Variants in MTHFD1L observed in about 807,000 individuals in gnomAD.
The protein encoded by MTHFD1L is methylenetetrahydrofolate dehydrogenase (NADP+ dependent) 1 like, also known as monofunctional C1-tetrahydrofolate synthase, mitochondrial.
MTHFD1L carries 81 observed loss-of-function variants against 119.5 expected under a neutral mutation model. The ratio of observed to expected loss-of-function variants is 0.68; its 90% CI spans 0.57 to 0.82. The LOEUF (loss-of-function observed/expected upper bound fraction) is 0.82. Among genes scored for constraint, MTHFD1L ranks in the 40% least tolerant of loss-of-function variants. The pLI is 0.00. For missense variants in MTHFD1L, 1,125 were observed against 1,253.4 expected (o/e 0.90, Z 1.55); for synonymous variants, 430 against 475.2 (o/e 0.90, Z 1.24).
At chr6:151,056,672 G>T (rs1789985872) in intron 26 of MTHFD1L, among the ~76,000 whole-genome samples, 1 of 152,164 alleles carries the variant, frequency 6.6e-6, no homozygotes, top group Admixed American at 6.5e-5. Flanking sequence ...ATACGCAACA[G>T]CAGGGCCCTG....
At chr6:150,908,008 C>G (rs1429839065) in intron 8 of MTHFD1L, among the ~76,000 whole-genome samples, 1 of 151,214 alleles carries the variant, frequency 6.6e-6, no homozygotes, top group Non-Finnish European at 1.5e-5. Flanking sequence ...GGTGATTCTC[C>G]TACCTCAGCC....
At chr6:151,101,176 T>A (rs34502633) in intron 27 of MTHFD1L, among the ~76,000 whole-genome samples, 38,626 of 151,376 alleles carry the variant, frequency 0.26, 5,235 homozygotes, top group Middle Eastern at 0.39. Flanking sequence ...TAAAAAAAAA[T>A]TTTTTTAAAT....
At chr6:151,015,939 T>C (rs1273833898) in intron 24 of MTHFD1L, among the ~76,000 whole-genome samples, 1 of 151,904 alleles carries the variant, frequency 6.6e-6, no homozygotes, top group Admixed American at 6.6e-5. Flanking sequence ...ATACAAAAAT[T>C]AGGTGGGCAT....
intron 11 of MTHFD1L, chr6:150,935,624 A>G: frequency 7.9e-7 from 1 of 1,266,592 alleles, no homozygotes; most frequent in Non-Finnish European, 1.1e-6. Flanking sequence ...ATTTTGACAA[A>G]TAGAAGAGTG....
chr6:150,892,074 T>C (rs1358765800), intron 7 of MTHFD1L, among the ~76,000 whole-genome samples: 1 of 152,208 alleles, frequency 6.6e-6, no homozygotes, highest in Non-Finnish European at 1.5e-5. Flanking sequence ...GTGTGCGTTT[T>C]TAGCAGTCAC....
intron 26 of MTHFD1L, among the ~76,000 whole-genome samples, chr6:151,073,531 A>G (rs1792163726): frequency 1.3e-5 from 2 of 152,244 alleles, no homozygotes; most frequent in Admixed American, 1.3e-4. Context: ...TACAGATGAT[A>G]GAATTCATAG....
chr6:151,094,243 G>A (rs1011211944), intron 27 of MTHFD1L, among the ~76,000 whole-genome samples: 4 of 152,204 alleles, frequency 2.6e-5, no homozygotes, highest in Non-Finnish European at 5.9e-5. Flanking sequence ...GGCCTTTGCA[G>A]ATGAGCTTTT....
chr6:150,943,470 AAAAAAAAAG>A (rs1345961262), intron 13 of MTHFD1L, among the ~76,000 whole-genome samples: 1 of 151,246 alleles, frequency 6.6e-6, no homozygotes, highest in Admixed American at 6.6e-5. Flanking sequence ...GTCTCTACAG[AAAAAAAAAG>A]AAAAAAAAGA....
chr6:151,012,878 G>A (rs891321873), intron 21 of MTHFD1L, among the ~76,000 whole-genome samples: 4 of 152,142 alleles, frequency 2.6e-5, no homozygotes, highest in African/African-American at 9.7e-5. Context: ...GAATTCTCCT[G>A]CTCTCAGGGG....
chr6:151,020,095 C>T (rs1419532907), intron 24 of MTHFD1L, among the ~76,000 whole-genome samples: 7 of 152,146 alleles, frequency 4.6e-5, no homozygotes, highest in African/African-American at 1.7e-4. Context: ...TTTCTGTGTG[C>T]CCCTTGGTGT....
intron 20 of MTHFD1L, among the ~76,000 whole-genome samples, chr6:150,990,732 G>A (rs1441354490): frequency 1.3e-5 from 2 of 152,204 alleles, no homozygotes. Context: ...AACGTGCTGG[G>A]ATTACAGGCA....
chr6:150,867,171 T>G (rs1425577804), intron 1 of MTHFD1L, among the ~76,000 whole-genome samples: 1 of 152,132 alleles, frequency 6.6e-6, no homozygotes. Context: ...AGGGGCCATT[T>G]ATTTAGTTTT....
In MTHFD1L at chr6:151,052,714, A is replaced by G. The variant is rs143364102; in HGVS notation, c.2847+15597A>G. 2.5e-3 allele frequency among the ~76,000 whole-genome samples: 381 copies of G among 152,318 alleles called. 2 individuals are homozygous for G. Among genetic ancestry groups the G allele is most frequent in the Middle Eastern group, 0.01 (3 of 294 alleles). ...ACCATTGCATAGCTCCAGCAGCACC[A>G]TTACTAGCAGCCTGTGTGAATGATG... On this transcript the variant is annotated intron_variant, in intron 26 of 27. Transcript: ENST00000367321.
intron 8 of MTHFD1L, among the ~76,000 whole-genome samples, chr6:150,910,449 G>C (rs1172142761): frequency 6.6e-6 from 1 of 151,272 alleles, no homozygotes; most frequent in Non-Finnish European, 1.5e-5. Flanking sequence ...TGTAATCCCA[G>C]CTACTCAGGA....
In MTHFD1L at chr6:150,964,974, G is replaced by A. The variant is rs1365662527; in HGVS notation, c.1950G>A (p.Val650=). The change falls in exon 19 of 28, where the codon GTG becomes GTA. Residue 650 remains valine, a synonymous_variant. Coordinates refer to ENST00000367321, the MANE Select transcript of MTHFD1L (RefSeq NM_015440.5). The part of the protein sequence containing the change: ...GQPVTADDLG[V]TGALTVLMKD... ...TGTTTTTCTCTCTCCTGTAGGGGGT[G>A]ACAGGTGCTTTGACAGTTTTGATGA... 6.2e-7 allele frequency: 1 copy of A among 1,613,706 alleles called. No individual in the cohort carries two copies. Among genetic ancestry groups the A allele is most frequent in the African/African-American group, 1.3e-5 (1 of 74,914 alleles).
intron 18 of MTHFD1L, among the ~76,000 whole-genome samples, chr6:150,963,469 A>G (rs1796750247): frequency 6.6e-6 from 1 of 151,938 alleles, no homozygotes; most frequent in Non-Finnish European, 1.5e-5. Flanking sequence ...ATCATGTTAT[A>G]CACAATAAAT....
At position 150,897,620 on chromosome 6, in the gene MTHFD1L, A is replaced by G. The variant is rs1009793105; in HGVS notation, c.781-8030A>G. Among the ~76,000 whole-genome samples, 159 of 152,334 alleles carry G rather than the reference A, an allele frequency of 1.0e-3. 1 individual carries two copies. Among genetic ancestry groups the G allele is most frequent in the African/African-American group, 3.6e-3 (149 of 41,584 alleles). On this transcript the variant is annotated intron_variant, in intron 7 of 27. Transcript: ENST00000367321. ...CAACCACAAATAAATCTTTGTGGTC[A>G]TCAGGGGCCAGTGAAGTGTATACTG...
At chr6:150,866,514 C>T (rs1456120302) in intron 1 of MTHFD1L, 1 of 1,289,706 alleles carries the variant, frequency 7.8e-7, no homozygotes, top group Non-Finnish European at 9.8e-7. Context: ...TCGGGAGAGG[C>T]GGGCTCGGGC....
At position 151,039,776 on chromosome 6, in the gene MTHFD1L, G is replaced by C. The variant is rs1483878012; in HGVS notation, c.2847+2659G>C. On this transcript the variant is annotated intron_variant, in intron 26 of 27. Coordinates refer to ENST00000367321, the MANE Select transcript of MTHFD1L (RefSeq NM_015440.5). This position sits in a 1 kb window ranked among gnomAD's most constrained non-coding sequence, Gnocchi z 4.4. ...CTAAAAATACAAAAATTTGCCGGGC[G>C]GGGTGGTGGGCACCTATAATCCCAG... Among the ~76,000 whole-genome samples, 1 of 152,062 alleles carries C rather than the reference G, an allele frequency of 6.6e-6. No individual in the cohort carries two copies. Among genetic ancestry groups the C allele is most frequent in the Non-Finnish European group, 1.5e-5 (1 of 68,008 alleles).
Sources: allele counts gnomAD v4.1 joint callset (sites outside exome capture counted in the v4.1 genomes callset), GRCh38; gene constraint gnomAD v4.1.1; non-coding constraint Gnocchi (gnomAD v3.1); transcripts MANE v1.5; gene names NCBI Gene and HGNC (gene_info 2026-07-23, HGNC 2026-07-21).